Variants in PTGES3 observed in about 807,000 individuals in gnomAD.
The protein encoded by PTGES3 is Hsp90 co-chaperone.
Under a neutral mutation model 29.9 loss-of-function variants are expected in PTGES3, and 5 were observed. The ratio of observed to expected loss-of-function variants is 0.17; its 90% CI spans 0.09 to 0.35. The LOEUF (loss-of-function observed/expected upper bound fraction) is 0.35. PTGES3 is among the 10% of genes least tolerant of loss of function. The pLI, the probability that PTGES3 is intolerant of heterozygous loss-of-function variation, is 1.00. For missense variants in PTGES3, 128 were observed against 190.0 expected, an observed-to-expected ratio of 0.67 and a Z score of 1.92; for synonymous variants, 49 against 57.8, an observed-to-expected ratio of 0.85 and a Z score of 0.69.
rs1419290838 is a variant in PTGES3 at position 56,664,767 on chromosome 12, T to C, written c.463+9A>G. The C allele has an allele frequency of 6.9e-6, 11 of 1,592,392 alleles. No individual in the cohort carries two copies. Among genetic ancestry groups the C allele is most frequent in the Non-Finnish European group, 9.4e-6 (11 of 1,165,086 alleles). ...TCACTGTATAAACATACTTTTTATA[T>C]ACACTTACTTTCATCATCACTGTCT... On this transcript the variant is annotated intron_variant, in intron 7 of 7. Coordinates refer to ENST00000262033, the MANE Select transcript of PTGES3 (RefSeq NM_006601.7).
intron 1 of PTGES3, among the ~76,000 whole-genome samples, chr12:56,685,941 T>C (rs1952822786): frequency 1.3e-5 from 2 of 151,036 alleles, no homozygotes; most frequent in Admixed American, 1.3e-4. Flanking sequence ...CACACCCAGC[T>C]AGTTTTTGTA....
Position 56,687,466 on chromosome 12 carries a change from G to A in PTGES3, c.2+532C>T, listed in dbSNP as rs1952930864. Reference sequence around the variant, plus strand: ...GAGAGGGAAGTATGTTGCGGCGTGGGCATGGCTTCCTTCTAGTTGCCTAGC... The same window carrying A: ...GAGAGGGAAGTATGTTGCGGCGTGGACATGGCTTCCTTCTAGTTGCCTAGC... On this transcript the variant is annotated intron_variant, in intron 1 of 7. Transcript: ENST00000262033. 7.1e-6 allele frequency: 7 copies of A among 989,500 alleles called. No homozygotes were observed. In the Admixed American group the frequency reaches 1.8e-4, roughly 26 times the overall value. The allele number at this position is 989,500 out of a possible 1,614,324, so 61.3% of individuals were successfully genotyped here. A position where few individuals can be genotyped will look rare whatever the true frequency, so the allele number is the denominator to read the frequency against.
chr12:56,678,605 G>A (rs1047475927), intron 1 of PTGES3, among the ~76,000 whole-genome samples: 2 of 152,142 alleles, frequency 1.3e-5, no homozygotes, highest in Non-Finnish European at 2.9e-5. Context: ...TTTTTATAGT[G>A]AAGGGTGCTT....
At chr12:56,681,407 G>A (rs989282455) in intron 1 of PTGES3, among the ~76,000 whole-genome samples, 4 of 151,718 alleles carry the variant, frequency 2.6e-5, no homozygotes, top group African/African-American at 9.7e-5. Context: ...ATGAGGTGGC[G>A]GGAGCCTGTA....
chr12:56,668,427 A>G (rs1951867806), intron 5 of PTGES3, among the ~76,000 whole-genome samples: 1 of 152,106 alleles, frequency 6.6e-6, no homozygotes. Flanking sequence ...AAAATAAAAC[A>G]AAAAACAAAA....
chr12:56,666,205 T>A lies in PTGES3; in HGVS notation c.437A>T (p.Asp146Val). 2 of 1,607,570 alleles carry A rather than the reference T, an allele frequency of 1.2e-6. No individual in the cohort carries two copies. ...VDLPEVDGAD[D>V]DSQDSDDEKM... ...AGAAAAAAGAATTTTTAGACTTACA[T>A]CATCTGCTCCATCTACTTCTGGTAA... Residue 146 changes from aspartate to valine, a missense_variant and splice_region_variant, in exon 6 of 8, where the codon GAT becomes GTT. Coordinates refer to ENST00000262033, the MANE Select transcript of PTGES3 (RefSeq NM_006601.7).
At chr12:56,683,682 G>A (rs887320836) in intron 1 of PTGES3, among the ~76,000 whole-genome samples, 1 of 146,544 alleles carries the variant, frequency 6.8e-6, no homozygotes, top group African/African-American at 2.5e-5. Flanking sequence ...ACTATGGGCC[G>A]GGCGCGGTGG....
rs537493258 is a variant in PTGES3, at chr12:56,687,809, A to G, written c.2+189T>C. ...GGAACGGTTCAGGGGTGGGGGAAGC[A>G]GACATCTGGAGGAAAAATGTCCTCC... On this transcript the variant is annotated intron_variant, in intron 1 of 7. Transcript: ENST00000262033. 258 of 1,437,032 alleles carry G rather than the reference A, an allele frequency of 1.8e-4. 1 individual carries two copies. The South Asian group carries it at 2.2e-3, about 12-fold the overall frequency. 89.0% of individuals were successfully genotyped at this position (1,437,032 alleles called of 1,614,324 possible).
At chr12:56,685,969 G>T (rs1370036228) in intron 1 of PTGES3, among the ~76,000 whole-genome samples, 1 of 151,496 alleles carries the variant, frequency 6.6e-6, no homozygotes. Flanking sequence ...TAGAAACGGG[G>T]TTTCACCATA....
chr12:56,686,949 A>C, intron 1 of PTGES3: 1 of 362,586 alleles, frequency 2.8e-6, no homozygotes, highest in Non-Finnish European at 4.9e-6. Context: ...GTTCCACCTT[A>C]ATTGTTCTCC....
intron 5 of PTGES3, among the ~76,000 whole-genome samples, chr12:56,667,937 G>A (rs1951849321): frequency 6.6e-6 from 1 of 152,162 alleles, no homozygotes; most frequent in South Asian, 2.1e-4. Context: ...GTGAAACCCT[G>A]TCTCCACTAA....
intron 5 of PTGES3, 92 bp from the exon 6 acceptor site, chr12:56,666,358 C>A: frequency 1.4e-6 from 2 of 1,421,920 alleles, no homozygotes; most frequent in South Asian, 1.5e-5. Context: ...CTTAAGTCTG[C>A]CACAGATATC....
intron 1 of PTGES3, among the ~76,000 whole-genome samples, chr12:56,673,788 TCAAAAA>T (rs1952104297): frequency 1.5e-4 from 7 of 47,872 alleles, no homozygotes; most frequent in Non-Finnish European, 1.1e-4. Flanking sequence ...CGAGACTGTC[TCAAAAA>T]AAAAAAAAAA....
chr12:56,667,307 T>C (rs566660183), intron 5 of PTGES3, among the ~76,000 whole-genome samples: 63 of 152,322 alleles, frequency 4.1e-4, no homozygotes, highest in Admixed American at 3.9e-4. Flanking sequence ...AAACTTATTT[T>C]CTCAAGTTTA....
intron 1 of PTGES3, among the ~76,000 whole-genome samples, chr12:56,678,359 T>C (rs888964207): frequency 2.6e-5 from 4 of 152,124 alleles, no homozygotes; most frequent in Non-Finnish European, 5.9e-5. Flanking sequence ...TGTTTTTTAG[T>C]AGAGGCAGGT....
chr12:56,685,387 A>AT (rs907373187), intron 1 of PTGES3, among the ~76,000 whole-genome samples: 2 of 126,584 alleles, frequency 1.6e-5, no homozygotes, highest in Non-Finnish European at 3.2e-5. Context: ...TGAAGGTAGC[A>AT]TTTTTTCTTT....
chr12:56,665,018 C>G, intron 6 of PTGES3: 1 of 985,316 alleles, frequency 1.0e-6, no homozygotes, highest in Non-Finnish European at 1.2e-6. Context: ...ATGATGTGTG[C>G]CTTTTGGTGA....
chr12:56,687,005 CAA>C (rs11297744), intron 1 of PTGES3: 9,056 of 86,546 alleles, frequency 0.1, 517 homozygotes, highest in African/African-American at 0.22. Flanking sequence ...AACCTCCCGT[CAA>C]AAAAAAAAAA....
intron 1 of PTGES3, among the ~76,000 whole-genome samples, chr12:56,682,894 TGA>T (rs992819661): frequency 6.6e-5 from 10 of 151,530 alleles, no homozygotes; most frequent in African/African-American, 2.2e-4. Flanking sequence ...CTTGGGAGTC[TGA>T]GAGAGGAGAA....
Sources: gnomAD v4.1 joint callset for allele counts (sites outside exome capture counted in the v4.1 genomes callset) on GRCh38, gnomAD v4.1.1 for gene constraint, MANE v1.5 for transcripts, NCBI Gene and HGNC (gene_info 2026-07-23, HGNC 2026-07-21) for gene names.